Variants in ANKRD1 observed in about 807,000 individuals in gnomAD.
ANKRD1 encodes the protein ankyrin repeat domain 1.
ANKRD1 carries 32 observed loss-of-function variants against 40.1 expected under a neutral mutation model. That is an observed-to-expected ratio of 0.80 (90% CI 0.60 to 1.07). The LOEUF (loss-of-function observed/expected upper bound fraction) is 1.07. ANKRD1 is among the 50% of genes least tolerant of loss of function. ANKRD1 has a pLI of 0.00. For synonymous variants in ANKRD1, 149 were observed against 141.2 expected, an observed-to-expected ratio of 1.06 and a Z score of -0.39; for missense variants, 359 against 386.0, an observed-to-expected ratio of 0.93 and a Z score of 0.59.
chr10:90,918,570 C>CT (rs1847397038), intron 4 of ANKRD1, among the ~76,000 whole-genome samples: 2 of 151,852 alleles, frequency 1.3e-5, no homozygotes, highest in African/African-American at 4.8e-5. Flanking sequence ...CTAAAGGTGA[C>CT]TTTTTGGCCC....
chr10:90,916,947 C>G (rs1226885572), intron 5 of ANKRD1, among the ~76,000 whole-genome samples: 1 of 151,990 alleles, frequency 6.6e-6, no homozygotes, highest in South Asian at 2.1e-4. Flanking sequence ...TGTATAGTTA[C>G]CCCTAGGAGA....
In ANKRD1 at chr10:90,915,658, A is replaced by T. The variant is rs1847361090; in HGVS notation, c.751-17T>A. 6.2e-7 allele frequency: 1 copy of T among 1,612,702 alleles called. No individual in the cohort carries two copies. Among genetic ancestry groups the T allele is most frequent in the Non-Finnish European group, 8.5e-7 (1 of 1,179,174 alleles). On this transcript the variant is annotated splice_polypyrimidine_tract_variant and intron_variant, in intron 7 of 8. Transcript: ENST00000371697. ...ATCTCCTTCCTAGAGAAGCAGAGTCAACAGGTTCAAGGTGGGTCTGAGGCC... is the reference window on the plus strand; with the variant it reads ...ATCTCCTTCCTAGAGAAGCAGAGTCTACAGGTTCAAGGTGGGTCTGAGGCC...
At chr10:90,916,307 A>C in intron 5 of ANKRD1, 38 bp from the exon 6 acceptor site, 1 of 1,496,282 alleles carries the variant, frequency 6.7e-7, no homozygotes, top group Non-Finnish European at 9.3e-7. Context: ...GTGAAGGAGA[A>C]TGTGGTCTGG....
intron 1 of ANKRD1, 64 bp downstream of exon 1, chr10:90,920,937 A>G: frequency 6.6e-7 from 1 of 1,515,646 alleles, no homozygotes; most frequent in South Asian, 1.1e-5. Context: ...AGGGCATTTC[A>G]ATTTTCAAAT....
At chr10:90,920,606 C>T (rs953782954) in intron 1 of ANKRD1, among the ~76,000 whole-genome samples, 4 of 152,204 alleles carry the variant, frequency 2.6e-5, no homozygotes, top group African/African-American at 9.6e-5. Flanking sequence ...TCTGCTTAAT[C>T]ACATTTCTTT....
At chr10:90,913,203 C>T (rs988823253) in intron 8 of ANKRD1, among the ~76,000 whole-genome samples, 2 of 152,148 alleles carry the variant, frequency 1.3e-5, no homozygotes, top group African/African-American at 4.8e-5. Context: ...GGGACCATCC[C>T]AGGTATTGGT....
At chr10:90,919,529 G>A (rs1461919574) in intron 2 of ANKRD1, among the ~76,000 whole-genome samples, 2 of 152,254 alleles carry the variant, frequency 1.3e-5, no homozygotes, top group African/African-American at 4.8e-5. Context: ...TTGAGGACAC[G>A]ATCTGGTCTC....
At chr10:90,917,494 A>G (rs1363954746) in intron 5 of ANKRD1, among the ~76,000 whole-genome samples, 1 of 152,244 alleles carries the variant, frequency 6.6e-6, no homozygotes, top group Non-Finnish European at 1.5e-5. Flanking sequence ...ATTCAGTTTA[A>G]CAGCTTTCAC....
chr10:90,917,321 T>C (rs1227502022), intron 5 of ANKRD1, among the ~76,000 whole-genome samples: 4 of 152,194 alleles, frequency 2.6e-5, no homozygotes, highest in South Asian at 2.1e-4. Flanking sequence ...CCAAATCTCA[T>C]TGGTAGCAAT....
Position 90,912,764 on chromosome 10 carries a change from G to A in ANKRD1, c.*102C>T. The A allele has an allele frequency of 2.7e-6, 3 of 1,110,380 alleles. No individual in the cohort carries two copies. 68.8% of individuals were successfully genotyped at this position (1,110,380 alleles called of 1,614,324 possible). On this transcript the variant is annotated 3_prime_UTR_variant, in exon 9 of 9. Transcript: ENST00000371697. The stretch of plus-strand genomic sequence containing the variant: ...TTCATTAGGTACATCTTCACAACAC[G>A]TTGATAAATAGAAACTAGATTTTAT...
At position 90,921,010 on chromosome 10, in the gene ANKRD1, T is replaced by A. The variant is rs1374055997; in HGVS notation, c.18A>T (p.Val6=). The A allele has an allele frequency of 6.2e-7, 1 of 1,613,872 alleles. No homozygotes were observed. The highest frequency in any genetic ancestry group is 1.3e-5 in the African/African-American group (1 of 74,948). MMVLK[V]EELVTGKKNG... is the part of the protein sequence containing the mutation. ...AATGCATCTTACATACCAGTTCCTC[T>A]ACTTTCAGTACCATCATGTTGGCTG... The change falls in exon 1 of 9, where the codon GTA becomes GTT. Residue 6 remains valine (V), a synonymous_variant. Coordinates refer to ENST00000371697, the MANE Select transcript of ANKRD1 (RefSeq NM_014391.3).
At chr10:90,917,055 A>AT (rs951959482) in intron 5 of ANKRD1, among the ~76,000 whole-genome samples, 18 of 150,228 alleles carry the variant, frequency 1.2e-4, no homozygotes, top group African/African-American at 2.7e-4. Context: ...TTGTTTCTTG[A>AT]TTTTTTTTTC....
intron 2 of ANKRD1, among the ~76,000 whole-genome samples, chr10:90,919,674 A>G (rs1261635322): frequency 6.6e-6 from 1 of 152,252 alleles, no homozygotes; most frequent in East Asian, 1.9e-4. Context: ...GCTCTGAAAT[A>G]TCAATGTCAT....
At chr10:90,918,257 C>T (rs1411748217) in intron 4 of ANKRD1, among the ~76,000 whole-genome samples, 1 of 152,170 alleles carries the variant, frequency 6.6e-6, no homozygotes, top group Non-Finnish European at 1.5e-5. Flanking sequence ...AGTTCAACTT[C>T]AGAAGCGGTC....
intron 8 of ANKRD1, among the ~76,000 whole-genome samples, chr10:90,914,296 G>C (rs1019992551): frequency 6.6e-6 from 1 of 152,004 alleles, no homozygotes; most frequent in Non-Finnish European, 1.5e-5. Context: ...AGAACCCTAA[G>C]CCGTATTTGT....
Position 90,919,169 on chromosome 10 carries a change from T to C in ANKRD1, c.307A>G (p.Lys103Glu). 2 of 1,613,394 alleles carry C rather than the reference T, an allele frequency of 1.2e-6. No homozygotes were observed. Among genetic ancestry groups the C allele is most frequent in the Non-Finnish European group, 1.7e-6 (2 of 1,179,850 alleles). Reference sequence around the variant, plus strand: ...TCTGGTTCCTTTACAACTGGAACTTTAGTTTTCCTGTATTTTTTCCTTTTC... The same window carrying C: ...TCTGGTTCCTTTACAACTGGAACTTCAGTTTTCCTGTATTTTTTCCTTTTC... ...LKKRKKYRKT[K>E]VPVVKEPEPE... The change falls in exon 3 of 9, where the codon AAA becomes GAA. Residue 103 changes from lysine (K) to glutamate (E), a missense_variant. By Grantham distance (56) the Lys-to-Glu change is moderately conservative. Transcript: ENST00000371697.
At chr10:90,914,020 CAG>C (rs1330116951) in intron 8 of ANKRD1, among the ~76,000 whole-genome samples, 2 of 152,174 alleles carry the variant, frequency 1.3e-5, no homozygotes, top group African/African-American at 4.8e-5. Flanking sequence ...AGTCTGCAGT[CAG>C]ATTATGAGAT....
Position 90,918,985 on chromosome 10 carries a change from TAAATAA to T in ANKRD1, c.346-19_346-14del, listed in dbSNP as rs58762441. On this transcript the variant is annotated splice_polypyrimidine_tract_variant and intron_variant, in intron 3 of 8. Coordinates refer to ENST00000371697, the MANE Select transcript of ANKRD1 (RefSeq NM_014391.3). ...CCACAGGTTCCGTCTAAAGCCAAAA[TAAATAA>T]ATATATATATATATATATATATATA... The T allele has an allele frequency of 0.17, 51,351 of 301,188 alleles. 4,516 individuals carry two copies. Among genetic ancestry groups the T allele is most frequent in the African/African-American group, 0.4 (12,913 of 31,900 alleles). The allele number at this position is 301,188 out of a possible 1,614,324, so 18.7% of individuals were successfully genotyped here. A position where few individuals can be genotyped will look rare whatever the true frequency, so the allele number is the denominator to read the frequency against.
intron 2 of ANKRD1, 112 bp from the exon 3 acceptor site, chr10:90,919,380 A>G (rs1847409923): frequency 2.2e-6 from 2 of 921,772 alleles, no homozygotes; most frequent in Admixed American, 2.8e-5. Context: ...CAGTTTGAGC[A>G]AAAACATTTT....
Sources: gnomAD v4.1 joint callset for allele counts (sites outside exome capture counted in the v4.1 genomes callset) on GRCh38, gnomAD v4.1.1 for gene constraint, MANE v1.5 for transcripts, NCBI Gene and HGNC (gene_info 2026-07-23, HGNC 2026-07-21) for gene names.